The following MRAP2 variants were observed in gnomAD, a reference collection of about 807,000 sequenced individuals.
MRAP2 encodes melanocortin-2 receptor accessory protein 2.
In MRAP2, 20 loss-of-function variants were observed where a neutral mutation model predicts 17.4. The observed-to-expected ratio is 1.15, with a 90% CI of 0.81 to 1.67. The LOEUF is 1.67. Ranked by LOEUF, MRAP2 falls within the 40% of genes most tolerant of loss-of-function variation. The probability of loss-of-function intolerance (pLI) is 0.00; values close to 1 mark genes in which losing one functional copy is unlikely to be tolerated. For synonymous variants in MRAP2, 96 were observed against 88.4 expected (o/e 1.09, Z -0.48); for missense variants, 238 against 240.0 (o/e 0.99, Z 0.05).
the MRAP2 span, among the ~76,000 whole-genome samples, chr6:84,144,791 C>G: frequency 6.6e-6 from 1 of 152,114 alleles, no homozygotes; most frequent in African/African-American, 2.4e-5. Context: ...CTTTAATATT[C>G]TGTAGAGAAC....
At chr6:84,108,779 G>T in the MRAP2 span, among the ~76,000 whole-genome samples, 6 of 152,234 alleles carry the variant, frequency 3.9e-5, no homozygotes, top group African/African-American at 1.4e-4. Flanking sequence ...TATCGCCTAG[G>T]TTTTCTTACA....
the MRAP2 span, among the ~76,000 whole-genome samples, chr6:84,118,825 A>T: frequency 9.8e-5 from 15 of 152,320 alleles, no homozygotes; most frequent in African/African-American, 3.6e-4. Context: ...TTCAGGTCTT[A>T]AATATATTTA....
At chr6:84,072,147 C>T (rs534764157) in intron 3 of MRAP2, among the ~76,000 whole-genome samples, 1 of 152,026 alleles carries the variant, frequency 6.6e-6, no homozygotes, top group Non-Finnish European at 1.5e-5. Context: ...TGTTAAAGAG[C>T]CTTGTTTTGT....
At chr6:84,066,863 C>T (rs905876105) in intron 3 of MRAP2, among the ~76,000 whole-genome samples, 10 of 152,096 alleles carry the variant, frequency 6.6e-5, no homozygotes, top group Admixed American at 2.0e-4. Context: ...TCTATTGAAC[C>T]GGAGATGTTA....
chr6:84,054,417 A>G (rs1345675550), intron 1 of MRAP2, among the ~76,000 whole-genome samples: 2 of 152,222 alleles, frequency 1.3e-5, no homozygotes, highest in African/African-American at 4.8e-5. Flanking sequence ...ACAGTTAACA[A>G]AGATACTTGG....
At chr6:84,061,712 G>A in intron 2 of MRAP2, 6 of 928,212 alleles carry the variant, frequency 6.5e-6, no homozygotes, top group Non-Finnish European at 7.7e-6. Context: ...GTAAATACAG[G>A]GACACAGTGT....
At chr6:84,046,637 T>G (rs2099489106) in intron 1 of MRAP2, among the ~76,000 whole-genome samples, 1 of 151,736 alleles carries the variant, frequency 6.6e-6, no homozygotes, top group Non-Finnish European at 1.5e-5. Flanking sequence ...AAAAGTTAGT[T>G]GGGCGTGGTG....
chr6:84,038,216 G>A (rs534222756), intron 1 of MRAP2, among the ~76,000 whole-genome samples: 1 of 152,332 alleles, frequency 6.6e-6, no homozygotes, highest in African/African-American at 2.4e-5. Context: ...CTGAAGGAAG[G>A]TGAGTATTAC....
At chr6:84,128,255 TAC>T in the MRAP2 span, among the ~76,000 whole-genome samples, 1 of 152,196 alleles carries the variant, frequency 6.6e-6, no homozygotes, top group African/African-American at 2.4e-5. Flanking sequence ...TAATTGCACC[TAC>T]CTAAAAGAAC....
At chr6:84,104,347 C>T in the MRAP2 span, among the ~76,000 whole-genome samples, 15 of 152,332 alleles carry the variant, frequency 9.8e-5, no homozygotes, top group East Asian at 1.9e-4. Flanking sequence ...AGACCTCCAA[C>T]GTTCCCTGAA....
In MRAP2 at chr6:84,045,931, A is replaced by G. The variant is rs549302048; in HGVS notation, c.-7-9381A>G. ...ATTTCGTTAAGTTACAGAATCATAG[A>G]TCTGGAAGGACTTTCACTACATCCC... On this transcript the variant is annotated intron_variant, in intron 1 of 3. Transcript: ENST00000257776. Among the ~76,000 whole-genome samples, 33 of 152,312 alleles carry G rather than the reference A, an allele frequency of 2.2e-4. No homozygotes were observed. The Middle Eastern group carries it at 0.01, about 47-fold the overall frequency.
At chr6:84,049,011 A>G (rs981852987) in intron 1 of MRAP2, among the ~76,000 whole-genome samples, 10 of 152,202 alleles carry the variant, frequency 6.6e-5, no homozygotes, top group Non-Finnish European at 1.5e-5. Context: ...AATTTTCTCC[A>G]GATGGAGACT....
At chr6:84,039,155 A>G (rs540519351) in intron 1 of MRAP2, among the ~76,000 whole-genome samples, 3 of 152,360 alleles carry the variant, frequency 2.0e-5, no homozygotes, top group African/African-American at 7.2e-5. Flanking sequence ...AAATACTTGA[A>G]AGAAAATATT....
At chr6:84,037,375 C>T (rs2099486373) in intron 1 of MRAP2, among the ~76,000 whole-genome samples, 1 of 152,258 alleles carries the variant, frequency 6.6e-6, no homozygotes, top group Non-Finnish European at 1.5e-5. Flanking sequence ...CATAAAAGTT[C>T]TCCAAGTCCC....
At chr6:84,064,877 G>A (rs62418854) in intron 3 of MRAP2, among the ~76,000 whole-genome samples, 1,881 of 152,238 alleles carry the variant, frequency 0.012, 12 homozygotes, top group African/African-American at 0.021. Flanking sequence ...CACAGCCTCC[G>A]GCATCTGTTG....
At chr6:84,114,621 G>T in the MRAP2 span, among the ~76,000 whole-genome samples, 1 of 152,110 alleles carries the variant, frequency 6.6e-6, no homozygotes, top group Non-Finnish European at 1.5e-5. Flanking sequence ...TTCCCTTGCT[G>T]GTGAGGAGTT....
chr6:84,088,220 C>G (rs543451281), intron 3 of MRAP2, among the ~76,000 whole-genome samples: 1 of 152,302 alleles, frequency 6.6e-6, no homozygotes, highest in East Asian at 1.9e-4. Context: ...GGAGTCACTA[C>G]CTGTGCATGG....
intron 1 of MRAP2, among the ~76,000 whole-genome samples, chr6:84,052,560 A>G (rs555457933): frequency 6.6e-6 from 1 of 152,314 alleles, no homozygotes; most frequent in African/African-American, 2.4e-5. Flanking sequence ...TGCATGAAAA[A>G]ATAATGCCTT....
At chr6:84,122,159 TATTGAA>T in the MRAP2 span, among the ~76,000 whole-genome samples, 1 of 152,002 alleles carries the variant, frequency 6.6e-6, no homozygotes, top group Non-Finnish European at 1.5e-5. Context: ...GTATCAATCT[TATTGAA>T]ACTATTCCAA....
Sources: gnomAD v4.1 joint callset for allele counts (sites outside exome capture counted in the v4.1 genomes callset) on GRCh38, gnomAD v4.1.1 for gene constraint, MANE v1.5 for transcripts, NCBI Gene and HGNC (gene_info 2026-07-23, HGNC 2026-07-21) for gene names.